The following GRID2 variants were observed in gnomAD, a reference collection of about 807,000 sequenced individuals.
GRID2 encodes glutamate ionotropic receptor delta type subunit 2.
Under a neutral mutation model 114.8 loss-of-function variants are expected in GRID2, and 33 were observed. The observed-to-expected ratio is 0.29, with a 90% CI of 0.22 to 0.38. The LOEUF (loss-of-function observed/expected upper bound fraction) is 0.38. GRID2 is among the 10% of genes least tolerant of loss of function. GRID2 has a pLI of 1.00. For synonymous variants in GRID2, 505 were observed against 449.9 expected, an observed-to-expected ratio of 1.12 and a Z score of -1.55; for missense variants, 1,184 against 1,257.7, an observed-to-expected ratio of 0.94 and a Z score of 0.89.
At chr4:93,677,142 G>A (rs74474986) in intron 14 of GRID2, among the ~76,000 whole-genome samples, 18 of 152,298 alleles carry the variant, frequency 1.2e-4, no homozygotes, top group South Asian at 4.1e-4. Context: ...CACCTGGCTC[G>A]GAGGGTCCTA....
intron 13 of GRID2, among the ~76,000 whole-genome samples, chr4:93,611,031 G>C (rs1212421554): frequency 3.5e-4 from 45 of 128,614 alleles, no homozygotes; most frequent in African/African-American, 1.5e-3. Flanking sequence ...CTTCTTCCTG[G>C]TTTAGTCTTG....
At chr4:92,715,530 C>T (rs1044734134) in intron 2 of GRID2, among the ~76,000 whole-genome samples, 14 of 152,110 alleles carry the variant, frequency 9.2e-5, no homozygotes, top group Admixed American at 9.2e-4. Context: ...ATACCCAAGA[C>T]TGGGCAATTT....
chr4:93,501,091 T>A (rs1728051476), intron 12 of GRID2, among the ~76,000 whole-genome samples: 1 of 151,984 alleles, frequency 6.6e-6, no homozygotes. Flanking sequence ...TACAAGTAAA[T>A]ATTCACTCAC....
intron 14 of GRID2, among the ~76,000 whole-genome samples, chr4:93,758,468 G>T (rs937326101): frequency 3.3e-5 from 5 of 152,160 alleles, no homozygotes; most frequent in Non-Finnish European, 5.9e-5. Context: ...TACTAGAGTA[G>T]TTCTCAGAAT....
intron 2 of GRID2, among the ~76,000 whole-genome samples, chr4:92,898,281 G>A (rs1326361158): frequency 6.6e-6 from 1 of 152,050 alleles, no homozygotes; most frequent in Admixed American, 6.6e-5. Context: ...AAAGTTTTCA[G>A]TTGCCAGAAA....
intron 2 of GRID2, among the ~76,000 whole-genome samples, chr4:92,812,086 G>T (rs1740689257): frequency 6.6e-6 from 1 of 152,100 alleles, no homozygotes; most frequent in East Asian, 1.9e-4. Flanking sequence ...TAGAAAATCT[G>T]TACAACCTTT....
intron 14 of GRID2, among the ~76,000 whole-genome samples, chr4:93,757,758 C>G (rs911634363): frequency 1.3e-5 from 2 of 152,128 alleles, no homozygotes; most frequent in Non-Finnish European, 1.5e-5. Flanking sequence ...GAGTTCAAGA[C>G]AATCCTGGCC....
chr4:92,509,144 G>A (rs1346820501), intron 1 of GRID2, among the ~76,000 whole-genome samples: 2 of 151,668 alleles, frequency 1.3e-5, no homozygotes, highest in Non-Finnish European at 2.9e-5. Flanking sequence ...ACATAAAAGA[G>A]GAGTCAAGAA....
chr4:92,731,504 A>G (rs994989012), intron 2 of GRID2, among the ~76,000 whole-genome samples: 3 of 151,926 alleles, frequency 2.0e-5, no homozygotes, highest in African/African-American at 7.2e-5. Flanking sequence ...AAAAAGATGA[A>G]CAATACCTTT....
At chr4:93,132,890 C>T (rs575765908) in intron 4 of GRID2, among the ~76,000 whole-genome samples, 8 of 152,254 alleles carry the variant, frequency 5.3e-5, no homozygotes, top group East Asian at 1.9e-4. Flanking sequence ...ATGAGTGGAA[C>T]GCTTACTTTT....
chr4:92,573,285 C>A (rs556743656), intron 1 of GRID2, among the ~76,000 whole-genome samples: 5 of 151,568 alleles, frequency 3.3e-5, no homozygotes, highest in Non-Finnish European at 5.9e-5. Flanking sequence ...TTTCAGTTTT[C>A]GAAGGGTTTT....
rs2149324408 is a variant in GRID2, at chr4:92,731,220, G to A, written c.244+140934G>A. Among the ~76,000 whole-genome samples the A allele has an allele frequency of 1.4e-5, 2 of 147,942 alleles. 1 individual carries two copies. The highest frequency in any genetic ancestry group is 4.3e-4 in the South Asian group (2 of 4,612). The stretch of plus-strand genomic sequence containing the variant: ...TGTACTTAGACTCTAGCTAATTTTA[G>A]ACAATAAGTGATTTTTTTTTTTCTT... On this transcript the variant is annotated intron_variant, in intron 2 of 15. Coordinates refer to ENST00000282020, the MANE Select transcript of GRID2 (RefSeq NM_001510.4).
At chr4:93,243,893 T>C (rs188009403) in intron 8 of GRID2, among the ~76,000 whole-genome samples, 2 of 152,204 alleles carry the variant, frequency 1.3e-5, no homozygotes, top group East Asian at 3.9e-4. Flanking sequence ...AGTCAAATTT[T>C]GAAATCGCTA....
At chr4:92,893,597 T>C (rs1302661363) in intron 2 of GRID2, among the ~76,000 whole-genome samples, 2 of 152,176 alleles carry the variant, frequency 1.3e-5, no homozygotes, top group Non-Finnish European at 2.9e-5. Context: ...GTAACTTTTT[T>C]TTTCCTCTTA....
At chr4:93,251,578 G>A (rs116125952) in intron 8 of GRID2, among the ~76,000 whole-genome samples, 1,943 of 152,142 alleles carry the variant, frequency 0.013, 41 homozygotes, top group African/African-American at 0.044. Flanking sequence ...ATGTCATGAG[G>A]GTTTGTTGTA....
At chr4:92,997,102 A>G (rs1219823047) in intron 2 of GRID2, among the ~76,000 whole-genome samples, 1 of 152,186 alleles carries the variant, frequency 6.6e-6, no homozygotes, top group Non-Finnish European at 1.5e-5. Flanking sequence ...TTCTATATTC[A>G]CTTCAGGTGT....
chr4:92,862,669 G>T (rs1442381713), intron 2 of GRID2, among the ~76,000 whole-genome samples: 1 of 151,946 alleles, frequency 6.6e-6, no homozygotes, highest in East Asian at 1.9e-4. Context: ...AAAGTTTTCT[G>T]GTACTTTGCA....
intron 7 of GRID2, among the ~76,000 whole-genome samples, chr4:93,226,091 G>C (rs2149493865): frequency 6.6e-6 from 1 of 152,242 alleles, no homozygotes; most frequent in South Asian, 2.1e-4. Flanking sequence ...GTTTCAATGT[G>C]AGTTTAGGAG....
intron 8 of GRID2, among the ~76,000 whole-genome samples, chr4:93,340,462 G>A (rs547272649): frequency 6.6e-6 from 1 of 151,900 alleles, no homozygotes; most frequent in Non-Finnish European, 1.5e-5. Flanking sequence ...TACCTTTAGG[G>A]AGCCATATAT....
Sources: allele counts gnomAD v4.1 joint callset (sites outside exome capture counted in the v4.1 genomes callset), GRCh38; gene constraint gnomAD v4.1.1; transcripts MANE v1.5; gene names NCBI Gene and HGNC (gene_info 2026-07-23, HGNC 2026-07-21).